The following FAP variants were observed in gnomAD, a reference collection of about 807,000 sequenced individuals.
FAP encodes fibroblast activation protein alpha.
In FAP, 110 loss-of-function variants were observed where a neutral mutation model predicts 126.5. The observed-to-expected ratio is 0.87, with a 90% CI of 0.74 to 1.02. The LOEUF (loss-of-function observed/expected upper bound fraction) is 1.02, where lower values mean the gene tolerates loss of function less well. FAP is among the 50% of genes least tolerant of loss of function. FAP has a pLI of 0.00. For synonymous variants in FAP, 334 were observed against 297.3 expected, an observed-to-expected ratio of 1.12 and a Z score of -1.27; for missense variants, 919 against 909.2, an observed-to-expected ratio of 1.01 and a Z score of -0.14.
intron 6 of FAP, chr2:162,221,598 A>C: frequency 2.2e-6 from 1 of 449,974 alleles, no homozygotes; most frequent in South Asian, 1.6e-5. Context: ...GTTACCTTTC[A>C]TACTGTAACA....
intron 2 of FAP, among the ~76,000 whole-genome samples, chr2:162,242,024 T>A (rs1387794243): frequency 6.6e-6 from 1 of 152,230 alleles, no homozygotes; most frequent in Non-Finnish European, 1.5e-5. Context: ...TACTATCAGT[T>A]AACTTTTAAC....
At chr2:162,182,288 T>C (rs541923104) in intron 21 of FAP, among the ~76,000 whole-genome samples, 3 of 152,320 alleles carry the variant, frequency 2.0e-5, no homozygotes, top group Admixed American at 2.0e-4. Flanking sequence ...GAAATGTTAA[T>C]GATTACATGT....
intron 16 of FAP, among the ~76,000 whole-genome samples, chr2:162,195,221 A>G (rs1688207688): frequency 6.6e-6 from 1 of 152,140 alleles, no homozygotes; most frequent in South Asian, 2.1e-4. Flanking sequence ...TAATACATGC[A>G]GAAATCTACA....
chr2:162,210,020 A>G, intron 11 of FAP, 24 bp from the exon 12 acceptor site: 1 of 1,606,846 alleles, frequency 6.2e-7, no homozygotes, highest in Non-Finnish European at 8.5e-7. Flanking sequence ...GATCACATCG[A>G]ACATAGTATT....
intron 12 of FAP, among the ~76,000 whole-genome samples, chr2:162,204,975 C>T (rs1348100705): frequency 4.6e-5 from 7 of 152,170 alleles, no homozygotes; most frequent in East Asian, 1.9e-4. Context: ...AGGCAGCCAT[C>T]ATATCACACC....
At position 162,183,468 on chromosome 2, in the gene FAP, TC is replaced by T. The variant is rs1687760850; in HGVS notation, c.1815-1del. 6.2e-7 allele frequency: 1 copy of T among 1,604,456 alleles called. No individual in the cohort carries two copies. Among genetic ancestry groups the T allele is most frequent in the East Asian group, 2.2e-5 (1 of 44,710 alleles). ...CAATGAAACCCATTTCTATGAATTT[TC>T]TAAAGTAAAAGAAACAAATTTTTAG... is the stretch of plus-strand genomic sequence containing the variant. On this transcript the variant is annotated splice_acceptor_variant, in intron 20 of 25. Transcript: ENST00000188790. LOFTEE classifies it high-confidence loss of function.
intron 20 of FAP, among the ~76,000 whole-genome samples, chr2:162,184,247 C>T (rs909130074): frequency 2.6e-5 from 4 of 151,906 alleles, no homozygotes; most frequent in African/African-American, 9.7e-5. Flanking sequence ...AAACAGCAGC[C>T]GGAGTGGAAT....
intron 2 of FAP, among the ~76,000 whole-genome samples, chr2:162,232,234 C>T (rs1025037943): frequency 3.9e-5 from 6 of 152,170 alleles, no homozygotes; most frequent in Non-Finnish European, 4.4e-5. Flanking sequence ...ACCAAGTACT[C>T]TACATGTATA....
Position 162,213,981 on chromosome 2 carries a change from A to G in FAP, c.959T>C (p.Ile320Thr), listed in dbSNP as rs1439045269. Reference sequence around the variant, plus strand: ...CTGCCAGTCTTCCCTGAAGTCACATATAGACAGGACCGAAACATTCTGGAC... The same window carrying G: ...CTGCCAGTCTTCCCTGAAGTCACATGTAGACAGGACCGAAACATTCTGGAC... ...KRVQNVSVLS[I>T]CDFREDWQTW... The change falls in exon 11 of 26, where the codon ATA becomes ACA. Residue 320 changes from isoleucine to threonine, a missense_variant. Coordinates refer to ENST00000188790, the MANE Select transcript of FAP (RefSeq NM_004460.5). 1.2e-6 allele frequency: 2 copies of G among 1,613,966 alleles called. No individual in the cohort carries two copies. The highest frequency in any genetic ancestry group is 1.7e-6 in the Non-Finnish European group (2 of 1,179,992).
chr2:162,237,948 GTGA>G (rs976335461), intron 2 of FAP, among the ~76,000 whole-genome samples: 34 of 152,280 alleles, frequency 2.2e-4, no homozygotes, highest in African/African-American at 8.2e-4. Flanking sequence ...CTAATTACCA[GTGA>G]TGATGAGCTT....
rs1267869709 is a variant in FAP at position 162,172,792 on chromosome 2, G to A, written c.2181+19C>T. On this transcript the variant is annotated intron_variant, in intron 25 of 25. Transcript: ENST00000188790. ...TGAGGGTCTAAGGCCATGAACATGA[G>A]TAAAACAAAATTATGTACCATTGCC... The A allele has an allele frequency of 6.3e-7, 1 of 1,587,660 alleles. No individual in the cohort carries two copies. Among genetic ancestry groups the A allele is most frequent in the Admixed American group, 1.7e-5 (1 of 59,840 alleles).
chr2:162,232,467 A>C (rs1274889866), intron 2 of FAP, among the ~76,000 whole-genome samples: 1 of 152,220 alleles, frequency 6.6e-6, no homozygotes, highest in Non-Finnish European at 1.5e-5. Context: ...AAACACAAAA[A>C]TAGGCAAGAA....
chr2:162,208,648 GA>G (rs1410672558), intron 12 of FAP, among the ~76,000 whole-genome samples: 1 of 152,020 alleles, frequency 6.6e-6, no homozygotes, highest in East Asian at 1.9e-4. Context: ...TGAATTGGTA[GA>G]TTTTTTTTCC....
chr2:162,218,535 T>TA (rs1188997387), intron 8 of FAP, among the ~76,000 whole-genome samples: 2 of 150,818 alleles, frequency 1.3e-5, no homozygotes, highest in Admixed American at 6.6e-5. Flanking sequence ...TCCTAAGAGT[T>TA]AAAAAAAACC....
intron 11 of FAP, among the ~76,000 whole-genome samples, 174 bp downstream of exon 11, chr2:162,213,764 C>T (rs920515237): frequency 3.3e-5 from 5 of 152,066 alleles, no homozygotes; most frequent in African/African-American, 9.7e-5. Flanking sequence ...AAAAGGTATC[C>T]TATTTATTTA....
chr2:162,196,149 A>G (rs1294203496), intron 16 of FAP, among the ~76,000 whole-genome samples: 1 of 152,170 alleles, frequency 6.6e-6, no homozygotes, highest in African/African-American at 2.4e-5. Flanking sequence ...CTGGGATGCA[A>G]TATTGGGAAA....
intron 2 of FAP, among the ~76,000 whole-genome samples, chr2:162,241,655 T>C (rs1363173124): frequency 1.3e-5 from 2 of 152,218 alleles, no homozygotes; most frequent in Non-Finnish European, 2.9e-5. Flanking sequence ...CCTAATCCAC[T>C]ACCTGACAAT....
chr2:162,186,771 G>A (rs1258820253), intron 20 of FAP, among the ~76,000 whole-genome samples: 1 of 151,950 alleles, frequency 6.6e-6, no homozygotes, highest in Non-Finnish European at 1.5e-5. Flanking sequence ...TGTGAGCCAT[G>A]GTGCTAAAAA....
intron 21 of FAP, chr2:162,176,797 C>T (rs1039707040): frequency 1.3e-5 from 2 of 152,066 alleles, no homozygotes; most frequent in Non-Finnish European, 2.9e-5. Flanking sequence ...AAATAAAAGC[C>T]TTTGTATATC....
Sources: gnomAD v4.1 joint callset for allele counts (sites outside exome capture counted in the v4.1 genomes callset) on GRCh38, gnomAD v4.1.1 for gene constraint, MANE v1.5 for transcripts, NCBI Gene and HGNC (gene_info 2026-07-23, HGNC 2026-07-21) for gene names.